Variants in KSR2 observed in about 807,000 individuals in gnomAD.
KSR2 encodes the protein kinase suppressor of ras 2.
A neutral mutation model predicts 107.8 loss-of-function variants in KSR2; 25 were observed. The ratio of observed to expected loss-of-function variants is 0.23; its 90% CI spans 0.17 to 0.32. KSR2 has a LOEUF of 0.32. Ranked by LOEUF, KSR2 falls within the 10% of genes least tolerant of loss-of-function variation. The pLI is 1.00. For missense variants in KSR2, 887 were observed against 1,268.9 expected, an observed-to-expected ratio of 0.70 and a Z score of 4.57; for synonymous variants, 480 against 507.0, an observed-to-expected ratio of 0.95 and a Z score of 0.71.
intron 10 of KSR2, chr12:117,539,417 C>T (rs1009662970): frequency 1.5e-5 from 5 of 342,904 alleles, no homozygotes; most frequent in Non-Finnish European, 2.6e-5. Context: ...GGTTGTAGCT[C>T]GCCAAAAGAC....
chr12:117,556,618 CTTCT>C (rs2137341701), intron 8 of KSR2, among the ~76,000 whole-genome samples: 1 of 152,222 alleles, frequency 6.6e-6, no homozygotes, highest in East Asian at 1.9e-4. Context: ...AGTCTGCCTC[CTTCT>C]TTAAGTTTCC....
chr12:117,691,892 G>A (rs1162500246), intron 4 of KSR2, among the ~76,000 whole-genome samples: 2 of 152,180 alleles, frequency 1.3e-5, no homozygotes, highest in Admixed American at 1.3e-4. Flanking sequence ...AGACTATATA[G>A]GTGATAGAGG....
At chr12:117,671,922 G>T (rs1157994173) in intron 4 of KSR2, among the ~76,000 whole-genome samples, 1 of 152,110 alleles carries the variant, frequency 6.6e-6, no homozygotes, top group African/African-American at 2.4e-5. Flanking sequence ...GTTTAAGCCT[G>T]GGGGCATCCC....
At chr12:117,555,699 T>G (rs989052271) in intron 8 of KSR2, among the ~76,000 whole-genome samples, 4 of 152,214 alleles carry the variant, frequency 2.6e-5, no homozygotes, top group African/African-American at 9.6e-5. Context: ...TCATTCCTTT[T>G]GGGATTTCTC....
chr12:117,893,907 C>CTTTTTTTTTT (rs56095185), intron 1 of KSR2, among the ~76,000 whole-genome samples: 1 of 129,332 alleles, frequency 7.7e-6, no homozygotes, highest in African/African-American at 3.0e-5. Context: ...GAACAAAATT[C>CTTTTTTTTTT]TTTTTTTTTT....
Position 117,916,132 on chromosome 12 carries a change from C to CTTTT in KSR2, c.180+51943_180+51944insAAAA, listed in dbSNP as rs199898514. On this transcript the variant is annotated intron_variant, in intron 1 of 19. Transcript: ENST00000339824. ...TTTAAATTTTGAGTTTTTATTTCTT[C>CTTTT]TTCTTTTTTTTTTTTTTTTTTTGAG... is the stretch of plus-strand genomic sequence containing the variant. 2.1e-3 allele frequency among the ~76,000 whole-genome samples: 259 copies of CTTTT among 125,634 alleles called. 4 individuals carry two copies. The highest frequency in any genetic ancestry group is 3.4e-3 in the South Asian group (12 of 3,522). 82.4% of individuals were successfully genotyped at this position (125,634 alleles called of 152,430 possible). A position where few individuals can be genotyped will look rare whatever the true frequency, so the allele number is the denominator to read the frequency against.
rs964175126 is a variant in KSR2, at chr12:117,579,340, A to T, written c.1242-138T>A. Reference sequence around the variant, plus strand: ...TTCTTTCGAGCTGTGTGACTTAATCAAGTTGCTTAAACCACTGGAACCTCA... The same window carrying T: ...TTCTTTCGAGCTGTGTGACTTAATCTAGTTGCTTAAACCACTGGAACCTCA... On this transcript the variant is annotated intron_variant, in intron 6 of 19. Transcript: ENST00000339824. 42 of 690,550 alleles carry T rather than the reference A, an allele frequency of 6.1e-5. No individual in the cohort carries two copies. In the African/African-American group the frequency reaches 6.4e-4, roughly 10 times the overall value. 42.8% of individuals were successfully genotyped at this position (690,550 alleles called of 1,614,324 possible). A position where few individuals can be genotyped will look rare whatever the true frequency, so the allele number is the denominator to read the frequency against.
intron 14 of KSR2, among the ~76,000 whole-genome samples, chr12:117,492,341 C>T (rs1410439660): frequency 6.6e-6 from 1 of 152,232 alleles, no homozygotes; most frequent in Non-Finnish European, 1.5e-5. Flanking sequence ...TCTGCCAAAA[C>T]AGTGACTGGG....
intron 1 of KSR2, among the ~76,000 whole-genome samples, chr12:117,931,229 C>T (rs908587981): frequency 6.6e-6 from 1 of 152,146 alleles, no homozygotes; most frequent in African/African-American, 2.4e-5. Context: ...GCATAAGACA[C>T]AGATAGCACT....
At chr12:117,751,219 G>A (rs912677711) in intron 4 of KSR2, among the ~76,000 whole-genome samples, 3 of 152,106 alleles carry the variant, frequency 2.0e-5, no homozygotes, top group African/African-American at 4.8e-5. Flanking sequence ...GAAGAAGGAT[G>A]TTTGCTTCCC....
chr12:117,720,167 C>A (rs984781982), intron 4 of KSR2, among the ~76,000 whole-genome samples: 2 of 152,220 alleles, frequency 1.3e-5, no homozygotes, highest in Admixed American at 6.5e-5. Flanking sequence ...CCTGCTGAAC[C>A]AGGCATGCCC....
intron 3 of KSR2, among the ~76,000 whole-genome samples, chr12:117,804,437 C>T (rs1367250714): frequency 6.6e-6 from 1 of 152,168 alleles, no homozygotes; most frequent in East Asian, 1.9e-4. Context: ...TCTTTACTAC[C>T]TGGTCCTTTA....
chr12:117,866,739 G>C (rs943713514), intron 1 of KSR2, among the ~76,000 whole-genome samples: 2 of 152,064 alleles, frequency 1.3e-5, no homozygotes, highest in Non-Finnish European at 2.9e-5. Context: ...TGAGGCACGA[G>C]AATCGCTTGA....
chr12:117,815,355 T>C (rs1156500215), intron 3 of KSR2, among the ~76,000 whole-genome samples: 2 of 151,976 alleles, frequency 1.3e-5, no homozygotes, highest in Non-Finnish European at 2.9e-5. Flanking sequence ...TCAAGACCAC[T>C]CTATATGTCT....
At chr12:117,904,957 G>A (rs1593356882) in intron 1 of KSR2, among the ~76,000 whole-genome samples, 1 of 152,188 alleles carries the variant, frequency 6.6e-6, no homozygotes, top group East Asian at 1.9e-4. Flanking sequence ...CAAGGCAGGT[G>A]GATCACCTGA....
At chr12:117,620,964 G>T (rs1037759504) in intron 5 of KSR2, among the ~76,000 whole-genome samples, 3 of 152,086 alleles carry the variant, frequency 2.0e-5, no homozygotes, top group African/African-American at 7.2e-5. Context: ...AATATTAGAG[G>T]ATATATAATC....
In KSR2 at chr12:117,758,542, G is replaced by T. The variant is rs534919041; in HGVS notation, c.986+2469C>A. The stretch of plus-strand genomic sequence containing the variant: ...AGGGAACTACCAGCCTTGAGGAAGT[G>T]ATGAGCTTGCTAACTCAGCCAGAAG... On this transcript the variant is annotated intron_variant, in intron 4 of 19. Transcript: ENST00000339824. 2.0e-5 allele frequency among the ~76,000 whole-genome samples: 3 copies of T among 152,258 alleles called. No homozygotes were observed. In the South Asian group the frequency reaches 6.2e-4, roughly 32 times the overall value.
At chr12:117,826,984 G>A (rs1283324268) in intron 3 of KSR2, among the ~76,000 whole-genome samples, 2 of 144,790 alleles carry the variant, frequency 1.4e-5, no homozygotes, top group Middle Eastern at 3.8e-3. Context: ...CTAGTGAGCT[G>A]AGATCACACC....
chr12:117,530,856 G>A, intron 12 of KSR2, 85 bp downstream of exon 12: 3 of 1,184,862 alleles, frequency 2.5e-6, no homozygotes, highest in Non-Finnish European at 3.7e-6. Context: ...AGGAAGAGAA[G>A]GAAAGAAGAT....
Sources: allele counts gnomAD v4.1 joint callset (sites outside exome capture counted in the v4.1 genomes callset), GRCh38; gene constraint gnomAD v4.1.1; transcripts MANE v1.5; gene names NCBI Gene and HGNC (gene_info 2026-07-23, HGNC 2026-07-21).